MMD2: variants seen among roughly 807,000 people sequenced by gnomAD.
The protein encoded by MMD2 is monocyte to macrophage differentiation associated 2.
A neutral mutation model predicts 33.5 loss-of-function variants in MMD2; 30 were observed. That is an observed-to-expected ratio of 0.90 (90% confidence interval 0.67 to 1.22). The LOEUF (loss-of-function observed/expected upper bound fraction) is 1.22. MMD2 is among the 50% of genes most tolerant of loss of function. The pLI is 0.00. For missense variants in MMD2, 364 were observed against 325.4 expected, an observed-to-expected ratio of 1.12 and a Z score of -0.91; for synonymous variants, 129 against 123.0, an observed-to-expected ratio of 1.05 and a Z score of -0.32.
chr7:4,944,979 C>CAGGATGCT (rs1786016706), intron 1 of MMD2, among the ~76,000 whole-genome samples: 1 of 150,874 alleles, frequency 6.6e-6, no homozygotes, highest in African/African-American at 2.4e-5. Flanking sequence ...CCATGTTAGC[C>CAGGATGCT]AGGATGCTCT....
At chr7:4,955,045 G>A (rs1259021603) in intron 1 of MMD2, among the ~76,000 whole-genome samples, 1 of 152,116 alleles carries the variant, frequency 6.6e-6, no homozygotes, top group Non-Finnish European at 1.5e-5. Context: ...AAGTTGAGAT[G>A]GGATCTTGCT....
the MMD2 span, among the ~76,000 whole-genome samples, chr7:4,898,754 C>G: frequency 6.6e-6 from 1 of 152,166 alleles, no homozygotes; most frequent in Admixed American, 6.5e-5. Context: ...CAAAAATTAG[C>G]TGGGCTCCAT....
chr7:4,892,417 G>A, the MMD2 span, among the ~76,000 whole-genome samples: 4 of 151,830 alleles, frequency 2.6e-5, no homozygotes, highest in South Asian at 2.1e-4. Flanking sequence ...GTGAAACTCC[G>A]TCTCTACTAA....
intron 5 of MMD2, 34 bp from the exon 6 acceptor site, chr7:4,909,984 C>A: frequency 6.2e-7 from 1 of 1,613,982 alleles, no homozygotes; most frequent in Non-Finnish European, 8.5e-7. Context: ...GGCCTTAGGA[C>A]ATGCCTCCCC....
chr7:4,945,185 T>TTTCTTCTTCTTCTTCTTCTTCTTCTTC (rs778065489), intron 1 of MMD2, among the ~76,000 whole-genome samples: 3,245 of 93,472 alleles, frequency 0.035, 284 homozygotes, highest in South Asian at 0.048. Context: ...CCTCTTCCTC[T>TTTCTTCTTCTTCTTCTTCTTCTTCTTC]TTCTTCTTCT....
At chr7:4,925,401 C>A in intron 2 of MMD2, 50 bp downstream of exon 2, 3 of 1,355,932 alleles carry the variant, frequency 2.2e-6, no homozygotes, top group Non-Finnish European at 3.0e-6. Flanking sequence ...CACCCCCCTT[C>A]CCCGGAAGTG....
rs376950413 is a variant in MMD2 at position 4,916,098 on chromosome 7, C to T, written c.291-19G>A. On this transcript the variant is annotated intron_variant, in intron 3 of 6. Coordinates refer to ENST00000401401, the MANE Select transcript of MMD2 (RefSeq NM_198403.4). ...CACCATCCTAGGGCGGCAGAGAAGC[C>T]GGCAGTCACAGCCCCTGCACAGCAG... The T allele has an allele frequency of 2.4e-5, 38 of 1,612,594 alleles. 1 individual carries two copies. Among genetic ancestry groups the T allele is most frequent in the South Asian group, 2.0e-4 (18 of 91,004 alleles).
intron 1 of MMD2, among the ~76,000 whole-genome samples, chr7:4,948,987 T>A (rs914778204): frequency 6.6e-5 from 10 of 152,106 alleles, no homozygotes; most frequent in South Asian, 6.2e-4. Flanking sequence ...AGTTTTTGTA[T>A]TCTTTTGTAC....
intron 1 of MMD2, among the ~76,000 whole-genome samples, chr7:4,926,514 C>T (rs1233583128): frequency 1.3e-5 from 2 of 152,218 alleles, no homozygotes; most frequent in Non-Finnish European, 2.9e-5. Flanking sequence ...GGAAGAGCTA[C>T]GGCTCACTCC....
Position 4,940,101 on chromosome 7 carries a change from G to T in MMD2, c.48-14569C>A, listed in dbSNP as rs1012133521. On this transcript the variant is annotated intron_variant, in intron 1 of 6. Transcript: ENST00000401401. The surrounding 1 kb of genome is among the most constrained non-coding windows in gnomAD (Gnocchi z 5.0). ...GCAGGTCTGTTGAAGGTCCGATGAC[G>T]CCAGGAGAGTGGCTGCCCTTGACGG... Among the ~76,000 whole-genome samples the T allele has an allele frequency of 8.5e-5, 13 of 152,148 alleles. No individual in the cohort carries two copies. The highest frequency in any genetic ancestry group is 3.9e-4 in the East Asian group (2 of 5,192).
At chr7:4,912,092 T>A (rs1183908393) in intron 4 of MMD2, among the ~76,000 whole-genome samples, 3 of 149,688 alleles carry the variant, frequency 2.0e-5, no homozygotes. Flanking sequence ...ACAGAGTAAG[T>A]AAGACCCTGT....
At chr7:4,938,617 C>T (rs573518064) in intron 1 of MMD2, among the ~76,000 whole-genome samples, 8 of 152,092 alleles carry the variant, frequency 5.3e-5, no homozygotes, top group Admixed American at 2.0e-4. Context: ...AATAAGTTTT[C>T]GAAGAGACAA....
chr7:4,949,592 A>G (rs1243109135), intron 1 of MMD2, among the ~76,000 whole-genome samples: 1 of 151,448 alleles, frequency 6.6e-6, no homozygotes, highest in Non-Finnish European at 1.5e-5. Context: ...GCTCACTGCA[A>G]CCTCTGCTTC....
At chr7:4,934,445 A>G (rs1427696708) in intron 1 of MMD2, among the ~76,000 whole-genome samples, 1 of 152,184 alleles carries the variant, frequency 6.6e-6, no homozygotes, top group Non-Finnish European at 1.5e-5. Context: ...TAAAATTGAG[A>G]CTGTGTTAGA....
chr7:4,902,330 C>T (rs1784805586), downstream of MMD2, among the ~76,000 whole-genome samples: 1 of 152,206 alleles, frequency 6.6e-6, no homozygotes, highest in Non-Finnish European at 1.5e-5. Flanking sequence ...TGTTTCCTTG[C>T]AAGCAGCCAG....
chr7:4,935,609 T>C (rs533559002), intron 1 of MMD2, among the ~76,000 whole-genome samples: 1 of 146,508 alleles, frequency 6.8e-6, no homozygotes, highest in Admixed American at 6.9e-5. Context: ...CCCAGGGAGG[T>C]TGAGGCTGCA....
Position 4,946,081 on chromosome 7 carries a change from A to G in MMD2, c.47+12890T>C, listed in dbSNP as rs1434400380. Among the ~76,000 whole-genome samples the G allele has an allele frequency of 4.0e-5, 6 of 151,808 alleles. No individual in the cohort carries two copies. Among genetic ancestry groups the G allele is most frequent in the Admixed American group, 1.3e-4 (2 of 15,208 alleles). On this transcript the variant is annotated intron_variant, in intron 1 of 6. Coordinates refer to ENST00000401401, the MANE Select transcript of MMD2 (RefSeq NM_198403.4). The surrounding 1 kb of genome is among the most constrained non-coding windows in gnomAD (Gnocchi z 5.0). ...AAAATGCACACACTCACACGCACGCACACGCACGCACACACACGCATGCAC... is the reference window on the plus strand; with the variant it reads ...AAAATGCACACACTCACACGCACGCGCACGCACGCACACACACGCATGCAC...
At chr7:4,920,785 G>A (rs2345225) in intron 2 of MMD2, among the ~76,000 whole-genome samples, 96,350 of 146,682 alleles carry the variant, frequency 0.66, 31,879 homozygotes, top group African/African-American at 0.79. Context: ...TGGTGCAATC[G>A]CAGTTCACTA....
intron 4 of MMD2, among the ~76,000 whole-genome samples, chr7:4,911,881 C>G (rs1054899303): frequency 6.6e-6 from 1 of 152,012 alleles, no homozygotes; most frequent in Non-Finnish European, 1.5e-5. Flanking sequence ...CTCCTGACCT[C>G]AGGTGATCCA....
Sources: allele counts gnomAD v4.1 joint callset (sites outside exome capture counted in the v4.1 genomes callset), GRCh38; gene constraint gnomAD v4.1.1; non-coding constraint Gnocchi (gnomAD v3.1); transcripts MANE v1.5; gene names NCBI Gene and HGNC (gene_info 2026-07-23, HGNC 2026-07-21).